The following EXT1 variants were observed in gnomAD, a reference collection of about 807,000 sequenced individuals.
The protein encoded by EXT1 is exostosin glycosyltransferase 1.
In EXT1, 20 loss-of-function variants were observed where a neutral mutation model predicts 82.5. The ratio of observed to expected loss-of-function variants is 0.24; its 90% CI spans 0.17 to 0.35. The LOEUF is 0.35. Among genes scored for constraint, EXT1 ranks in the 10% least tolerant of loss-of-function variants. The pLI is 1.00. For missense variants in EXT1, 757 were observed against 936.5 expected, an observed-to-expected ratio of 0.81 and a Z score of 2.50; for synonymous variants, 348 against 350.8, an observed-to-expected ratio of 0.99 and a Z score of 0.09.
At chr8:117,855,826 G>A (rs1024987417) in intron 1 of EXT1, among the ~76,000 whole-genome samples, 13 of 152,098 alleles carry the variant, frequency 8.5e-5, no homozygotes, top group African/African-American at 3.1e-4. Context: ...TCACCACCAT[G>A]CCTGGCTAAT....
At chr8:117,909,764 ATTT>A (rs67456627) in intron 1 of EXT1, among the ~76,000 whole-genome samples, 1 of 151,600 alleles carries the variant, frequency 6.6e-6, no homozygotes, top group Non-Finnish European at 1.5e-5. Flanking sequence ...TTGTAAATTA[ATTT>A]TTTTTTATTT....
At chr8:117,823,275 T>C (rs1811955378) in intron 4 of EXT1, among the ~76,000 whole-genome samples, 1 of 152,054 alleles carries the variant, frequency 6.6e-6, no homozygotes, top group African/African-American at 2.4e-5. Context: ...GCCAAGCTAG[T>C]TCATTAGTTT....
At chr8:117,951,301 G>A (rs1243593057) in intron 1 of EXT1, among the ~76,000 whole-genome samples, 1 of 152,188 alleles carries the variant, frequency 6.6e-6, no homozygotes. Context: ...TCTTTCACAT[G>A]TTATACAAAG....
intron 1 of EXT1, among the ~76,000 whole-genome samples, chr8:117,990,868 G>A (rs1420256525): frequency 1.3e-5 from 2 of 152,230 alleles, no homozygotes. Context: ...TGGCCTTCAA[G>A]TGTCAACAGG....
chr8:117,805,012 G>A lies in EXT1; in HGVS notation c.1884-119C>T, dbSNP rs1391846262. Reference sequence around the variant, plus strand: ...CCCTAAACATGTCATGAATGGTAATGATAATGATGATGATGATGACGATAA... The same window carrying A: ...CCCTAAACATGTCATGAATGGTAATAATAATGATGATGATGATGACGATAA... On this transcript the variant is annotated intron_variant, in intron 9 of 10. Coordinates refer to ENST00000378204, the MANE Select transcript of EXT1 (RefSeq NM_000127.3). 3.5e-6 allele frequency: 3 copies of A among 854,732 alleles called. No individual in the cohort carries two copies. The African/African-American group carries it at 5.0e-5, about 14-fold the overall frequency. The allele number at this position is 854,732 out of a possible 1,614,324, so 52.9% of individuals were successfully genotyped here. A position where few individuals can be genotyped will look rare whatever the true frequency, so the allele number is the denominator to read the frequency against.
intron 1 of EXT1, among the ~76,000 whole-genome samples, chr8:118,018,520 T>C (rs1049484902): frequency 6.6e-6 from 1 of 152,168 alleles, no homozygotes; most frequent in Admixed American, 6.5e-5. Context: ...CCTCCAGAAC[T>C]GTGAGGTTTG....
chr8:117,899,902 C>T (rs565571903), intron 1 of EXT1, among the ~76,000 whole-genome samples: 49 of 152,286 alleles, frequency 3.2e-4, no homozygotes, highest in African/African-American at 1.1e-3. Flanking sequence ...AAGAGTGGAT[C>T]TAAACTCAAA....
chr8:117,882,464 C>T (rs2129922470), intron 1 of EXT1, among the ~76,000 whole-genome samples: 1 of 152,266 alleles, frequency 6.6e-6, no homozygotes, highest in East Asian at 1.9e-4. Flanking sequence ...CTTTAATTTC[C>T]TCTTGCCTGT....
intron 1 of EXT1, among the ~76,000 whole-genome samples, chr8:118,075,523 T>C (rs1419846769): frequency 6.6e-6 from 1 of 152,012 alleles, no homozygotes; most frequent in Non-Finnish European, 1.5e-5. Flanking sequence ...GAAGAAAGAG[T>C]TATTATTTGT....
intron 1 of EXT1, among the ~76,000 whole-genome samples, chr8:117,987,959 G>A (rs1586327275): frequency 6.6e-6 from 1 of 152,150 alleles, no homozygotes; most frequent in East Asian, 1.9e-4. Flanking sequence ...ATGGTGGCAG[G>A]TGCCTGTAGT....
chr8:118,042,238 G>C (rs1816544964), intron 1 of EXT1, among the ~76,000 whole-genome samples: 1 of 152,102 alleles, frequency 6.6e-6, no homozygotes, highest in African/African-American at 2.4e-5. Flanking sequence ...AACAACAAAG[G>C]AGCTCAATCA....
chr8:118,068,751 A>G (rs574011712), intron 1 of EXT1, among the ~76,000 whole-genome samples: 1 of 152,378 alleles, frequency 6.6e-6, no homozygotes, highest in South Asian at 2.1e-4. Context: ...CCTGCCTGAT[A>G]GACAATAAAC....
intron 1 of EXT1, among the ~76,000 whole-genome samples, chr8:117,874,010 C>T (rs1391418409): frequency 6.6e-6 from 1 of 152,146 alleles, no homozygotes; most frequent in Admixed American, 6.5e-5. Context: ...TCTCCTTTGA[C>T]TAACATACTT....
At chr8:117,930,105 A>C (rs1814023867) in intron 1 of EXT1, among the ~76,000 whole-genome samples, 1 of 131,450 alleles carries the variant, frequency 7.6e-6, no homozygotes. Context: ...CTCCATCTCA[A>C]AAAAAAAAAA....
chr8:117,849,332 A>G (rs1812417094), intron 1 of EXT1, among the ~76,000 whole-genome samples: 1 of 152,144 alleles, frequency 6.6e-6, no homozygotes, highest in Non-Finnish European at 1.5e-5. Context: ...GAGAGAAGGG[A>G]GTGTTCCTGT....
chr8:117,997,248 T>C (rs999856975), intron 1 of EXT1, among the ~76,000 whole-genome samples: 1 of 113,912 alleles, frequency 8.8e-6, no homozygotes, highest in African/African-American at 4.4e-5. Context: ...TGTCATACTA[T>C]ATATATATAT....
intron 1 of EXT1, among the ~76,000 whole-genome samples, chr8:118,079,752 T>C (rs1817277753): frequency 6.8e-6 from 1 of 146,146 alleles, no homozygotes; most frequent in South Asian, 2.2e-4. Context: ...GCCCACATTA[T>C]GTTCTATCTT....
intron 1 of EXT1, among the ~76,000 whole-genome samples, chr8:118,084,080 T>C (rs1037574175): frequency 6.6e-6 from 1 of 152,154 alleles, no homozygotes; most frequent in Non-Finnish European, 1.5e-5. Context: ...CTGAGGAACT[T>C]ATCTATTAGT....
chr8:117,803,686 G>T (rs914936406), intron 10 of EXT1, among the ~76,000 whole-genome samples: 2 of 152,142 alleles, frequency 1.3e-5, no homozygotes, highest in African/African-American at 4.8e-5. Flanking sequence ...GTGGCAATAT[G>T]CTTAAATTCA....
Sources: gnomAD v4.1 joint callset for allele counts (sites outside exome capture counted in the v4.1 genomes callset) on GRCh38, gnomAD v4.1.1 for gene constraint, MANE v1.5 for transcripts, NCBI Gene and HGNC (gene_info 2026-07-23, HGNC 2026-07-21) for gene names.